The following PCNX1 variants were observed in gnomAD, a reference collection of about 807,000 sequenced individuals.
The protein encoded by PCNX1 is pecanex 1, also known as pecanex-like protein 1.
PCNX1 carries 78 observed loss-of-function variants against 242.2 expected under a neutral mutation model. The observed-to-expected ratio is 0.32, with a 90% CI of 0.27 to 0.39. The LOEUF (loss-of-function observed/expected upper bound fraction) is 0.39, where lower values mean the gene tolerates loss of function less well. Ranked by LOEUF, PCNX1 falls within the 10% of genes least tolerant of loss-of-function variation. The probability of loss-of-function intolerance (pLI) is 1.00; values close to 1 mark genes in which losing one functional copy is unlikely to be tolerated. For synonymous variants in PCNX1, 1,024 were observed against 1,032.9 expected, an observed-to-expected ratio of 0.99 and a Z score of 0.17; for missense variants, 2,581 against 2,856.5, an observed-to-expected ratio of 0.90 and a Z score of 2.20.
In PCNX1 at chr14:71,109,592, T is replaced by A. The variant is rs759625636; in HGVS notation, c.6885T>A (p.His2295Gln). The change falls in exon 35 of 36, where the codon CAT (histidine) becomes CAA (glutamine). Residue 2295 changes from histidine to glutamine, a missense_variant and splice_region_variant. His to Gln is a conservative substitution (Grantham distance 24). This residue lies in a region of PCNX1 where 432 missense variants were observed against 433.6 expected (regional missense o/e 1.00). Coordinates refer to ENST00000304743, the MANE Select transcript of PCNX1 (RefSeq NM_014982.3). ...DWSPQEGMEGHVIHRWVPCSR... is the reference protein window; with the variant it reads ...DWSPQEGMEGQVIHRWVPCSR... The stretch of plus-strand genomic sequence containing the variant: ...GTCCGCAGGAGGGCATGGAAGGCCA[T>A]GTAAGTTCTTTTACAAGCTGGCGGT... The A allele has an allele frequency of 1.2e-6, 2 of 1,614,124 alleles. No homozygotes were observed. Among genetic ancestry groups the A allele is most frequent in the Admixed American group, 1.7e-5 (1 of 60,012 alleles).
intron 20 of PCNX1, among the ~76,000 whole-genome samples, chr14:71,045,613 T>C (rs546048930): frequency 5.9e-5 from 9 of 152,250 alleles, no homozygotes; most frequent in African/African-American, 2.2e-4. Context: ...CTAATTAGTT[T>C]TCAATGCCAT....
At chr14:71,038,551 T>C (rs201282689) in intron 19 of PCNX1, among the ~76,000 whole-genome samples, 3 of 151,526 alleles carry the variant, frequency 2.0e-5, no homozygotes, top group South Asian at 2.1e-4. Flanking sequence ...GTTAGAATGG[T>C]GATCATTAAA....
intron 1 of PCNX1, among the ~76,000 whole-genome samples, chr14:70,935,820 T>TTAATATTGA (rs1257582205): frequency 6.6e-6 from 1 of 152,236 alleles, no homozygotes. Flanking sequence ...GAAACCTCGC[T>TTAATATTGA]TAATATTGAT....
chr14:70,974,449 CTTAA>C (rs1257171935), intron 5 of PCNX1, among the ~76,000 whole-genome samples: 3 of 151,978 alleles, frequency 2.0e-5, no homozygotes, highest in African/African-American at 4.8e-5. Context: ...ACCTTTTTCA[CTTAA>C]TTATTTTCTC....
intron 6 of PCNX1, among the ~76,000 whole-genome samples, chr14:70,987,748 A>G (rs1482171750): frequency 1.3e-5 from 2 of 152,168 alleles, no homozygotes; most frequent in African/African-American, 4.8e-5. Context: ...TAGTTCTACT[A>G]AGCCATTGTT....
intron 26 of PCNX1, among the ~76,000 whole-genome samples, chr14:71,069,685 C>A (rs1382857514): frequency 2.0e-5 from 3 of 152,138 alleles, no homozygotes; most frequent in Non-Finnish European, 2.9e-5. Flanking sequence ...AAAGAATGTA[C>A]TACATATCTT....
intron 19 of PCNX1, 75 bp downstream of exon 19, chr14:71,036,232 G>GTA: frequency 1.1e-6 from 1 of 930,086 alleles, no homozygotes; most frequent in Non-Finnish European, 1.8e-6. Context: ...AGGCTGGAGT[G>GTA]CAGTGTTGCG....
chr14:71,006,545 G>C lies in PCNX1; in HGVS notation c.2630-3089G>C, dbSNP rs116883641. ...GCTCTGCTTTCTACTCTGTTTATTAGAAAAAATTAGTATTGAAGTATTTTT... is the reference window on the plus strand; with the variant it reads ...GCTCTGCTTTCTACTCTGTTTATTACAAAAAATTAGTATTGAAGTATTTTT... On this transcript the variant is annotated intron_variant, in intron 8 of 35. Transcript: ENST00000304743. Among the ~76,000 whole-genome samples, 1,237 of 152,002 alleles carry C rather than the reference G, an allele frequency of 8.1e-3. 8 individuals carry two copies. The highest frequency in any genetic ancestry group is 0.014 in the Non-Finnish European group (980 of 67,940).
At chr14:71,056,188 T>C (rs2061177074) in intron 25 of PCNX1, among the ~76,000 whole-genome samples, 1 of 152,196 alleles carries the variant, frequency 6.6e-6, no homozygotes, top group African/African-American at 2.4e-5. Context: ...AAAATAAATA[T>C]TACTCCCAAA....
chr14:70,962,718 A>T (rs2058260926), intron 3 of PCNX1, among the ~76,000 whole-genome samples: 1 of 152,226 alleles, frequency 6.6e-6, no homozygotes, highest in Non-Finnish European at 1.5e-5. Context: ...AGTGTTCAAG[A>T]TGTTTAATGG....
chr14:71,005,838 G>A (rs2059640916), intron 8 of PCNX1, among the ~76,000 whole-genome samples: 1 of 151,680 alleles, frequency 6.6e-6, no homozygotes, highest in South Asian at 2.1e-4. Flanking sequence ...AAGAATGGTT[G>A]TGTGTAATTA....
chr14:71,039,386 G>C (rs2060641462), intron 19 of PCNX1, among the ~76,000 whole-genome samples: 1 of 152,020 alleles, frequency 6.6e-6, no homozygotes, highest in Non-Finnish European at 1.5e-5. Context: ...AGTTCCTTCT[G>C]ACTATTGGCT....
At chr14:70,910,031 C>CCTT (rs2055757698) in intron 1 of PCNX1, among the ~76,000 whole-genome samples, 1 of 9,652 alleles carries the variant, frequency 1.0e-4, no homozygotes, top group African/African-American at 6.3e-4. Flanking sequence ...GACGACTCCT[C>CCTT]CCTCCTCCTC....
At chr14:71,077,145 T>G (rs376082845) in intron 28 of PCNX1, among the ~76,000 whole-genome samples, 3 of 152,260 alleles carry the variant, frequency 2.0e-5, no homozygotes, top group East Asian at 3.9e-4. Flanking sequence ...ATCCACACAT[T>G]AGGATAACAT....
intron 11 of PCNX1, among the ~76,000 whole-genome samples, chr14:71,013,477 T>C (rs921970083): frequency 6.6e-6 from 1 of 151,972 alleles, no homozygotes; most frequent in Non-Finnish European, 1.5e-5. Context: ...AGCCAAAGAA[T>C]ATGAGTTTTG....
rs748409379 is a variant in PCNX1, at chr14:71,019,171, A to G, written c.3150+9A>G. ...AATACTCACTGCTTAAGGTACCAGC[A>G]TCTCTTCTTTTCATGCTACGGAATT... On this transcript the variant is annotated intron_variant, in intron 12 of 35. Coordinates refer to ENST00000304743, the MANE Select transcript of PCNX1 (RefSeq NM_014982.3). 1.9e-6 allele frequency: 3 copies of G among 1,592,904 alleles called. No homozygotes were observed. Among genetic ancestry groups the G allele is most frequent in the Non-Finnish European group, 2.6e-6 (3 of 1,171,202 alleles).
chr14:70,907,778 G>A lies in PCNX1; in HGVS notation c.-73G>A. 8.3e-7 allele frequency: 1 copy of A among 1,199,436 alleles called. No homozygotes were observed. 74.3% of individuals were successfully genotyped at this position (1,199,436 alleles called of 1,614,324 possible). ...AGACGGGGCAGCTGCAGGCTCCGGCGACCGAGGCCGAGCTGGGGCCGGGGC... is the reference window on the plus strand; with the variant it reads ...AGACGGGGCAGCTGCAGGCTCCGGCAACCGAGGCCGAGCTGGGGCCGGGGC... On this transcript the variant is annotated 5_prime_UTR_variant, in exon 1 of 36. Coordinates refer to ENST00000304743, the MANE Select transcript of PCNX1 (RefSeq NM_014982.3).
chr14:71,038,944 T>A (rs1372977695), intron 19 of PCNX1, among the ~76,000 whole-genome samples: 1 of 150,890 alleles, frequency 6.6e-6, no homozygotes, highest in African/African-American at 2.4e-5. Context: ...AAACTGGAAA[T>A]CATCATTCTC....
At chr14:70,992,746 T>G (rs1057044848) in intron 7 of PCNX1, among the ~76,000 whole-genome samples, 6 of 152,218 alleles carry the variant, frequency 3.9e-5, no homozygotes, top group Admixed American at 1.3e-4. Flanking sequence ...GTTGCTACCC[T>G]TACTCAAACT....
Sources: allele counts gnomAD v4.1 joint callset (sites outside exome capture counted in the v4.1 genomes callset), GRCh38; gene constraint gnomAD v4.1.1; regional missense constraint gnomAD v4.1.1; transcripts MANE v1.5; gene names NCBI Gene and HGNC (gene_info 2026-07-23, HGNC 2026-07-21).